PLCG2: variants seen among roughly 807,000 people sequenced by gnomAD.
The protein encoded by PLCG2 is phospholipase C gamma 2, also known as 1-phosphatidylinositol 4,5-bisphosphate phosphodiesterase gamma-2.
A neutral mutation model predicts 175.6 loss-of-function variants in PLCG2; 69 were observed. That is an observed-to-expected ratio of 0.39 (90% CI 0.32 to 0.48). The LOEUF is 0.48. Among genes scored for constraint, PLCG2 ranks in the 20% least tolerant of loss-of-function variants. The pLI is 0.91. For missense variants in PLCG2, 1,798 were observed against 1,650.9 expected, an observed-to-expected ratio of 1.09 and a Z score of -1.54; for synonymous variants, 827 against 624.0, an observed-to-expected ratio of 1.33 and a Z score of -4.85.
intron 2 of PLCG2, among the ~76,000 whole-genome samples, chr16:81,828,007 T>C (rs1362429158): frequency 6.6e-6 from 1 of 150,464 alleles, no homozygotes; most frequent in Admixed American, 6.6e-5. Context: ...GGAGAATTGC[T>C]TGCACCTGGG....
At chr16:81,946,977 G>A (rs535449162) in intron 31 of PLCG2, among the ~76,000 whole-genome samples, 15 of 152,198 alleles carry the variant, frequency 9.9e-5, no homozygotes, top group African/African-American at 3.1e-4. Flanking sequence ...TCTATTGCCC[G>A]GGGAAAGGGA....
chr16:81,909,353 T>G (rs1909517959), intron 17 of PLCG2, among the ~76,000 whole-genome samples: 1 of 152,164 alleles, frequency 6.6e-6, no homozygotes, highest in East Asian at 1.9e-4. Context: ...TGCCCTGACG[T>G]GGGGAATGGT....
At chr16:81,896,582 GA>G (rs113725270) in intron 13 of PLCG2, among the ~76,000 whole-genome samples, 1 of 151,272 alleles carries the variant, frequency 6.6e-6, no homozygotes, top group African/African-American at 2.4e-5. Context: ...TGTCTCAAAG[GA>G]AAAAAACCCA....
intron 2 of PLCG2, among the ~76,000 whole-genome samples, chr16:81,801,752 C>G (rs1411513375): frequency 6.6e-6 from 1 of 152,050 alleles, no homozygotes; most frequent in African/African-American, 2.4e-5. Flanking sequence ...ACAATCTCAG[C>G]TCACTGCAAC....
intron 2 of PLCG2, among the ~76,000 whole-genome samples, chr16:81,840,256 C>A (rs137977069): frequency 6.6e-6 from 1 of 152,172 alleles, no homozygotes; most frequent in African/African-American, 2.4e-5. Context: ...CTGAGCTGCC[C>A]ACCCTGTCAT....
chr16:81,824,591 G>A (rs750136234), intron 2 of PLCG2, among the ~76,000 whole-genome samples: 1 of 152,224 alleles, frequency 6.6e-6, no homozygotes, highest in Non-Finnish European at 1.5e-5. Flanking sequence ...TTCCTCGTGT[G>A]CCACACTGGT....
At chr16:81,823,536 A>C (rs559247201) in intron 2 of PLCG2, among the ~76,000 whole-genome samples, 1 of 152,104 alleles carries the variant, frequency 6.6e-6, no homozygotes, top group South Asian at 2.1e-4. Context: ...TTGTTTATTT[A>C]CTTTTAAGAG....
intron 2 of PLCG2, among the ~76,000 whole-genome samples, chr16:81,847,804 T>C (rs886234068): frequency 5.3e-5 from 8 of 152,218 alleles, no homozygotes; most frequent in Non-Finnish European, 1.2e-4. Flanking sequence ...ATTTAAGGTA[T>C]ATGGAGGGAT....
upstream of PLCG2, among the ~76,000 whole-genome samples, chr16:81,774,349 A>ACAAAG (rs200219330): frequency 7.3e-3 from 1,112 of 151,858 alleles, 6 homozygotes; most frequent in Non-Finnish European, 7.8e-3. Context: ...ACAAAACAAA[A>ACAAAG]CAAAACCCAC....
At chr16:81,906,193 A>T (rs995036820) in intron 15 of PLCG2, 6 of 152,110 alleles carry the variant, frequency 3.9e-5, no homozygotes, top group African/African-American at 1.4e-4. Flanking sequence ...CACTGTGTTC[A>T]CTCAGGCTAT....
intron 2 of PLCG2, among the ~76,000 whole-genome samples, chr16:81,825,732 C>G (rs749065583): frequency 7.2e-5 from 11 of 152,238 alleles, no homozygotes; most frequent in Non-Finnish European, 1.3e-4. Context: ...GTAACCATCT[C>G]CTGAGATCCC....
chr16:81,942,696 C>G (rs751512978), intron 30 of PLCG2, among the ~76,000 whole-genome samples: 1 of 151,956 alleles, frequency 6.6e-6, no homozygotes, highest in Non-Finnish European at 1.5e-5. Context: ...ACTTTGAGGC[C>G]GAGAGACTAT....
chr16:81,805,593 G>A (rs997314961), intron 2 of PLCG2, among the ~76,000 whole-genome samples: 9 of 150,964 alleles, frequency 6.0e-5, no homozygotes, highest in African/African-American at 2.2e-4. Context: ...TTAAAAAGTG[G>A]GCGAAAGATC....
chr16:81,908,557 G>A lies in PLCG2; in HGVS notation c.1699G>A (p.Glu567Lys), dbSNP rs760308218. Reference protein sequence around the residue: ...KDGTFLVRESETFPNDYTLSF... With the variant: ...KDGTFLVRESKTFPNDYTLSF... ...TGGCACCTTCCTGGTTCGGGAGAGC[G>A]AGACCTTCCCCAATGACTACACCCT... is the stretch of plus-strand genomic sequence containing the variant. Residue 567 changes from glutamate (E) to lysine (K), a missense_variant, in exon 17 of 33, where the codon GAG becomes AAG. By Grantham distance (56) the Glu-to-Lys change is moderately conservative. Transcript: ENST00000564138. 5.6e-6 allele frequency: 9 copies of A among 1,612,598 alleles called. No individual in the cohort carries two copies. The highest frequency in any genetic ancestry group is 6.8e-6 in the Non-Finnish European group (8 of 1,179,796).
At chr16:81,763,792 C>A (rs185984325) in intron 2 of PLCG2, among the ~76,000 whole-genome samples, 2 of 151,256 alleles carry the variant, frequency 1.3e-5, no homozygotes, top group African/African-American at 4.9e-5. Flanking sequence ...CATGGTGAAA[C>A]CCCATCTCTA....
intron 22 of PLCG2, among the ~76,000 whole-genome samples, chr16:81,923,907 C>T (rs1910159043): frequency 1.3e-5 from 2 of 152,222 alleles, no homozygotes; most frequent in Admixed American, 1.3e-4. Flanking sequence ...CATGCATTGT[C>T]TAACCAAATC....
intron 2 of PLCG2, among the ~76,000 whole-genome samples, chr16:81,760,732 G>A (rs1387477802): frequency 7.2e-6 from 1 of 138,002 alleles, no homozygotes; most frequent in African/African-American, 2.7e-5. Context: ...GCAACATAGT[G>A]AGACCCCGTC....
chr16:81,748,981 C>T (rs755334950), intron 1 of PLCG2, among the ~76,000 whole-genome samples: 4 of 152,086 alleles, frequency 2.6e-5, no homozygotes, highest in African/African-American at 7.2e-5. Flanking sequence ...AGGCCTGTGG[C>T]GGGGGGTGGC....
In PLCG2 at chr16:81,779,910, T is replaced by C. The variant is rs1176076929; in HGVS notation, c.-48+486T>C. On this transcript the variant is annotated intron_variant, in intron 1 of 32. Transcript: ENST00000564138. The stretch of plus-strand genomic sequence containing the variant: ...AGGCGCAGTCCTTCCCGGAGACTTT[T>C]GGAGAGCTTGCAGGACACTCGCGAT... Among the ~76,000 whole-genome samples the C allele has an allele frequency of 2.6e-5, 4 of 152,188 alleles. No individual in the cohort carries two copies. In the East Asian group the frequency reaches 7.7e-4, roughly 29 times the overall value.
Sources: allele counts gnomAD v4.1 joint callset (sites outside exome capture counted in the v4.1 genomes callset), GRCh38; gene constraint gnomAD v4.1.1; transcripts MANE v1.5; gene names NCBI Gene and HGNC (gene_info 2026-07-23, HGNC 2026-07-21).